The following RTF2 variants were observed in gnomAD, a reference collection of about 807,000 sequenced individuals.
RTF2 encodes the protein UPF0549 protein C20orf43.
A neutral mutation model predicts 38.0 loss-of-function variants in RTF2; 18 were observed. The ratio of observed to expected loss-of-function variants is 0.47; its 90% CI spans 0.33 to 0.70. The LOEUF is 0.70. RTF2 is among the 30% of genes least tolerant of loss of function. RTF2 has a pLI of 0.02. For synonymous variants in RTF2, 126 were observed against 137.1 expected, an observed-to-expected ratio of 0.92 and a Z score of 0.57; for missense variants, 311 against 379.6, an observed-to-expected ratio of 0.82 and a Z score of 1.50.
chr20:56,501,589 A>T (rs1983931011), intron 5 of RTF2, among the ~76,000 whole-genome samples: 1 of 152,178 alleles, frequency 6.6e-6, no homozygotes, highest in African/African-American at 2.4e-5. Flanking sequence ...ACCTATTTTT[A>T]ACATTCCAGT....
chr20:56,478,349 G>A (rs1307636809), intron 4 of RTF2, among the ~76,000 whole-genome samples: 2 of 151,910 alleles, frequency 1.3e-5, no homozygotes, highest in East Asian at 3.9e-4. Context: ...TTTTTAATTA[G>A]CCAGCCATGG....
intron 5 of RTF2, among the ~76,000 whole-genome samples, chr20:56,512,592 C>T (rs544018089): frequency 2.6e-5 from 4 of 152,252 alleles, no homozygotes; most frequent in African/African-American, 4.8e-5. Flanking sequence ...AGACCCTGCT[C>T]GCAGTCTTGT....
At chr20:56,496,502 C>T (rs1035400142) in intron 5 of RTF2, 16 of 908,426 alleles carry the variant, frequency 1.8e-5, no homozygotes, top group Admixed American at 7.1e-5. Context: ...GAGCCGAGAT[C>T]GCGCCACTGC....
At chr20:56,487,087 G>T (rs1982835305) in intron 5 of RTF2, among the ~76,000 whole-genome samples, 1 of 152,190 alleles carries the variant, frequency 6.6e-6, no homozygotes. Context: ...AAGCAATCCA[G>T]TTTTTTCTTA....
In RTF2 at chr20:56,518,614, TA is replaced by T. The variant is rs1985213544; in HGVS notation, c.*353del. Reference sequence around the variant, plus strand: ...GCAGAGTTGGCACATATTAATTAACTAAAATTCTAATGATCTTGCTACCAGC... The same window carrying T: ...GCAGAGTTGGCACATATTAATTAACTAAATTCTAATGATCTTGCTACCAGC... On this transcript the variant is annotated 3_prime_UTR_variant, in exon 9 of 9. Transcript: ENST00000357348. 1 of 185,328 alleles carries T rather than the reference TA, an allele frequency of 5.4e-6. No individual in the cohort carries two copies. 11.5% of individuals were successfully genotyped at this position (185,328 alleles called of 1,614,324 possible).
At chr20:56,468,793 G>T in intron 1 of RTF2, 27 bp downstream of exon 1, 1 of 1,548,970 alleles carries the variant, frequency 6.5e-7, no homozygotes, top group Admixed American at 2.0e-5. Flanking sequence ...GGCTCTTGGC[G>T]ACCGGGGGTG....
At chr20:56,501,664 C>T (rs187881720) in intron 5 of RTF2, among the ~76,000 whole-genome samples, 3 of 151,866 alleles carry the variant, frequency 2.0e-5, no homozygotes, top group East Asian at 1.9e-4. Flanking sequence ...TTAGCCTGGG[C>T]GATGTAGTGA....
intron 1 of RTF2, 113 bp from the exon 2 acceptor site, chr20:56,473,188 A>C: frequency 1.3e-6 from 1 of 790,476 alleles, no homozygotes; most frequent in East Asian, 2.8e-5. Context: ...TCTTTGATTT[A>C]AAAAACAAAA....
Position 56,516,980 on chromosome 20 carries a change from G to A in RTF2, c.637G>A (p.Val213Ile). 1 of 1,614,000 alleles carries A rather than the reference G, an allele frequency of 6.2e-7. No homozygotes were observed. Residue 213 changes from valine to isoleucine, a missense_variant, in exon 7 of 9, where the codon GTC (valine) becomes ATC (isoleucine). Transcript: ENST00000357348. ...AGCAGAGTCTGTTTCAAAACCAGAT[G>A]TCAGTGAAGGTAAGATCCTTCAAGA... ...KAAESVSKPD[V>I]SEEAPGPSKV...
intron 5 of RTF2, among the ~76,000 whole-genome samples, chr20:56,496,024 A>G (rs1983504773): frequency 6.6e-6 from 1 of 152,338 alleles, no homozygotes; most frequent in South Asian, 2.1e-4. Context: ...AGAACTTTCT[A>G]AAGATTTATA....
At chr20:56,475,131 G>T (rs910109101) in intron 3 of RTF2, among the ~76,000 whole-genome samples, 1 of 152,186 alleles carries the variant, frequency 6.6e-6, no homozygotes, top group African/African-American at 2.4e-5. Flanking sequence ...GTTAAATCAC[G>T]TGGCTACCAT....
intron 5 of RTF2, among the ~76,000 whole-genome samples, chr20:56,500,491 G>C (rs1983858346): frequency 6.6e-6 from 1 of 152,214 alleles, no homozygotes; most frequent in Non-Finnish European, 1.5e-5. Flanking sequence ...GGTATTTTCA[G>C]TAGTTTATAA....
At chr20:56,516,855 C>T in intron 6 of RTF2, 80 bp from the exon 7 acceptor site, 2 of 1,360,516 alleles carry the variant, frequency 1.5e-6, no homozygotes, top group Non-Finnish European at 2.1e-6. Context: ...GACAGGGCAC[C>T]CGGGACAATG....
intron 5 of RTF2, among the ~76,000 whole-genome samples, chr20:56,505,674 TG>T (rs1177055568): frequency 6.6e-6 from 1 of 151,812 alleles, no homozygotes; most frequent in Non-Finnish European, 1.5e-5. Context: ...AAGAAGCAAC[TG>T]AGGAAATGCT....
At chr20:56,491,725 C>G (rs1216354856) in intron 5 of RTF2, 1 of 1,552,222 alleles carries the variant, frequency 6.4e-7, no homozygotes, top group Admixed American at 2.0e-5. Context: ...GAGAAGGCGA[C>G]TGAATGAGCC....
chr20:56,518,249 C>T lies in RTF2; in HGVS notation c.905C>T (p.Thr302Met), dbSNP rs1471281104. Residue 302 changes from threonine to methionine, a missense_variant, in exon 9 of 9, where the codon ACG (threonine) becomes ATG (methionine). Coordinates refer to ENST00000357348, the MANE Select transcript of RTF2 (RefSeq NM_016407.5). ...KEESAHWVTH[T>M]SYCF The stretch of plus-strand genomic sequence containing the variant: ...GAGTCTGCCCACTGGGTCACCCACA[C>T]GTCCTACTGCTTCTGAAGCCCGCAC... The T allele has an allele frequency of 4.3e-6, 7 of 1,612,062 alleles. No homozygotes were observed. Among genetic ancestry groups the T allele is most frequent in the South Asian group, 1.1e-5 (1 of 90,784 alleles).
intron 5 of RTF2, chr20:56,497,675 G>T: frequency 8.8e-7 from 1 of 1,139,334 alleles, no homozygotes; most frequent in Non-Finnish European, 1.1e-6. Flanking sequence ...CTTCCTAAAA[G>T]AACAACAGAT....
At chr20:56,506,847 C>T (rs1289311704) in intron 5 of RTF2, among the ~76,000 whole-genome samples, 1 of 152,090 alleles carries the variant, frequency 6.6e-6, no homozygotes, top group Non-Finnish European at 1.5e-5. Context: ...ACTACAGGCG[C>T]CCACCACCAT....
chr20:56,493,656 CAA>C (rs57274640), intron 5 of RTF2, among the ~76,000 whole-genome samples: 27 of 117,980 alleles, frequency 2.3e-4, no homozygotes, highest in East Asian at 2.3e-4. Flanking sequence ...GACCCTGTCT[CAA>C]AAAAAAAAAA....
Sources: gnomAD v4.1 joint callset for allele counts (sites outside exome capture counted in the v4.1 genomes callset) on GRCh38, gnomAD v4.1.1 for gene constraint, MANE v1.5 for transcripts, NCBI Gene and HGNC (gene_info 2026-07-23, HGNC 2026-07-21) for gene names.